Variants in ZBTB14 observed in about 807,000 individuals in gnomAD.
ZBTB14 encodes zinc finger and BTB domain-containing protein 14.
Under a neutral mutation model 29.5 loss-of-function variants are expected in ZBTB14, and 8 were observed. That is an observed-to-expected ratio of 0.27 (90% CI 0.16 to 0.49). ZBTB14 has a LOEUF of 0.49. Among genes scored for constraint, ZBTB14 ranks in the 20% least tolerant of loss-of-function variants. ZBTB14 has a pLI of 0.99. For missense variants in ZBTB14, 333 were observed against 563.8 expected (o/e 0.59, Z 4.15); for synonymous variants, 226 against 207.2 (o/e 1.09, Z -0.78).
chr18:5,296,283 T>C (rs1444402281), upstream of ZBTB14: 1 of 147,814 alleles, frequency 6.8e-6, no homozygotes, highest in Non-Finnish European at 1.5e-5. Flanking sequence ...GGAGAAGGAG[T>C]GGGCGGGGCA....
intron 3 of ZBTB14, among the ~76,000 whole-genome samples, chr18:5,292,924 G>T (rs535544235): frequency 6.6e-6 from 1 of 152,296 alleles, no homozygotes; most frequent in Non-Finnish European, 1.5e-5. Flanking sequence ...AAGTGGCTTT[G>T]TTCTCTCTAG....
chr18:5,292,015 A>G lies in ZBTB14; in HGVS notation c.193T>C (p.Phe65Leu). 2 of 1,613,194 alleles carry G rather than the reference A, an allele frequency of 1.2e-6. No homozygotes were observed. The highest frequency in any genetic ancestry group is 1.7e-6 in the Non-Finnish European group (2 of 1,179,844). Reference protein sequence around the residue: ...AACSTYFKKLFKKLEVDSSSV... With the variant: ...AACSTYFKKLLKKLEVDSSSV... The stretch of plus-strand genomic sequence containing the variant: ...GAACTATCAACCTCAAGCTTCTTGA[A>G]AAGCTTTTTAAAGTAAGTGCTGCAG... Residue 65 changes from phenylalanine (F) to leucine (L), a missense_variant, in exon 4 of 4, where the codon TTC becomes CTC. Coordinates refer to ENST00000651870, the MANE Select transcript of ZBTB14 (RefSeq NM_001243702.2).
chr18:5,293,374 C>T (rs1567908106), intron 2 of ZBTB14, 47 bp from the exon 3 acceptor site: 33 of 943,388 alleles, frequency 3.5e-5, no homozygotes, highest in South Asian at 1.7e-5. Flanking sequence ...CTTCCTGTAT[C>T]CCAAATCCTA....
upstream of ZBTB14, among the ~76,000 whole-genome samples, chr18:5,296,857 C>CT (rs2071978689): frequency 8.0e-6 from 1 of 125,428 alleles, no homozygotes; most frequent in Non-Finnish European, 1.8e-5. Flanking sequence ...TCGGAGAGCT[C>CT]TGATAACTTG....
chr18:5,291,077 C>T lies in ZBTB14; in HGVS notation c.1131G>A (p.Lys377=), dbSNP rs1567905526. The T allele has an allele frequency of 6.2e-7, 1 of 1,614,256 alleles. No homozygotes were observed. Among genetic ancestry groups the T allele is most frequent in the Non-Finnish European group, 8.5e-7 (1 of 1,180,044 alleles). Residue 377 remains lysine (K), a synonymous_variant, in exon 4 of 4, where the codon AAG becomes AAA. Transcript: ENST00000651870. This position sits in a 1 kb window ranked among gnomAD's most constrained non-coding sequence, Gnocchi z 5.8. ...DKAFKHKSHL[K]DHERRHRGEK... is the part of the protein sequence containing the mutation. Reference sequence around the variant, plus strand: ...CCCCTCTGTGTCTTCTTTCATGATCCTTGAGGTGAGACTTGTGTTTGAAGG... The same window carrying T: ...CCCCTCTGTGTCTTCTTTCATGATCTTTGAGGTGAGACTTGTGTTTGAAGG...
Position 5,291,785 on chromosome 18 carries a change from T to A in ZBTB14, c.423A>T (p.Lys141Asn). The A allele has an allele frequency of 6.2e-7, 1 of 1,613,954 alleles. No individual in the cohort carries two copies. The highest frequency in any genetic ancestry group is 8.5e-7 in the Non-Finnish European group (1 of 1,179,912). Residue 141 changes from lysine (K) to asparagine (N), a missense_variant, in exon 4 of 4, where the codon AAA becomes AAT. By Grantham distance (94) the Lys-to-Asn change is moderately conservative. Transcript: ENST00000651870. This position sits in a 1 kb window ranked among gnomAD's most constrained non-coding sequence, Gnocchi z 5.8. Reference sequence around the variant, plus strand: ...GATTTATTTTAAGGCAATACTTACTTTTGGACTGACCATTGTTTTCATCGG... The same window carrying A: ...GATTTATTTTAAGGCAATACTTACTATTGGACTGACCATTGTTTTCATCGG... The part of the protein sequence containing the change: ...SSPDENNGQS[K>N]SKYCLKINRP...
Position 5,290,842 on chromosome 18 carries a change from C to T in ZBTB14, c.*16G>A. ...AGTCTCCACTTTCCAGGCAAAGTGT[C>T]CCTGTCCCACCGCCTCTAGCTACAG... On this transcript the variant is annotated 3_prime_UTR_variant, in exon 4 of 4. Coordinates refer to ENST00000651870, the MANE Select transcript of ZBTB14 (RefSeq NM_001243702.2). The T allele has an allele frequency of 3.1e-6, 5 of 1,606,602 alleles. 1 individual carries two copies. The South Asian group carries it at 4.4e-5, about 14-fold the overall frequency.
intron 1 of ZBTB14, among the ~76,000 whole-genome samples, chr18:5,294,585 C>T (rs2143261117): frequency 6.6e-6 from 1 of 152,292 alleles, no homozygotes; most frequent in South Asian, 2.1e-4. Flanking sequence ...CGCCCCGCCC[C>T]CCTTGCCATT....
chr18:5,295,255 C>T (rs969863441), intron 1 of ZBTB14, among the ~76,000 whole-genome samples: 3 of 145,050 alleles, frequency 2.1e-5, no homozygotes, highest in African/African-American at 7.4e-5. Flanking sequence ...CCGGCCAGCT[C>T]GCGCCGGGCC....
upstream of ZBTB14, among the ~76,000 whole-genome samples, chr18:5,296,519 G>T (rs978073251): frequency 6.6e-6 from 1 of 151,586 alleles, no homozygotes; most frequent in Non-Finnish European, 1.5e-5. Flanking sequence ...GGGCTCTGCC[G>T]CGTCTCGGAG....
intron 1 of ZBTB14, among the ~76,000 whole-genome samples, chr18:5,294,422 G>C (rs909073909): frequency 3.3e-5 from 5 of 152,178 alleles, no homozygotes; most frequent in Non-Finnish European, 5.9e-5. Flanking sequence ...GGACCAGAGA[G>C]AGGAGTGGCC....
Position 5,291,875 on chromosome 18 carries a change from C to T in ZBTB14, c.333G>A (p.Ser111=), listed in dbSNP as rs1241784039. ...KKEDVNLMMS[S]GQILGIRFLD... Reference sequence around the variant, plus strand: ...AAAATCGGATACCAAGAATCTGACCCGATGACATCATTAAGTTAACATCTT... The same window carrying T: ...AAAATCGGATACCAAGAATCTGACCTGATGACATCATTAAGTTAACATCTT... The change falls in exon 4 of 4, where the codon TCG becomes TCA. Residue 111 remains serine (S), a synonymous_variant. Transcript: ENST00000651870. This position sits in a 1 kb window ranked among gnomAD's most constrained non-coding sequence, Gnocchi z 5.8. 6.2e-6 allele frequency: 10 copies of T among 1,614,016 alleles called. No individual in the cohort carries two copies. The highest frequency in any genetic ancestry group is 1.3e-5 in the African/African-American group (1 of 74,908).
chr18:5,293,166 A>T lies in ZBTB14; in HGVS notation c.3+78T>A, dbSNP rs2067563716. The T allele has an allele frequency of 1.6e-5, 24 of 1,473,326 alleles. No individual in the cohort carries two copies. In the South Asian group the frequency reaches 2.9e-4, roughly 18 times the overall value. The allele number at this position is 1,473,326 out of a possible 1,614,324, so 91.3% of individuals were successfully genotyped here. On this transcript the variant is annotated intron_variant, in intron 3 of 3. Transcript: ENST00000651870. ...CAGACAAATAGAAGTGTTCATGCAC[A>T]ATCAGAATTGGTATATATATTTTAA...
At chr18:5,296,176 A>G (rs914087118), upstream of ZBTB14, 4 of 150,316 alleles carry the variant, frequency 2.7e-5, no homozygotes, top group Admixed American at 6.6e-5. Flanking sequence ...GCCCTTGCCG[A>G]CGCTTTCGTT....
chr18:5,295,850 C>T (rs1217713259), upstream of ZBTB14: 1 of 151,864 alleles, frequency 6.6e-6, no homozygotes, highest in Non-Finnish European at 1.5e-5. Context: ...GCCGTGGGTT[C>T]CCCGCGCTCG....
chr18:5,296,378 G>T (rs900710597), upstream of ZBTB14, among the ~76,000 whole-genome samples: 1 of 150,278 alleles, frequency 6.7e-6, no homozygotes, highest in Non-Finnish European at 1.5e-5. Flanking sequence ...TCCCGCCCTG[G>T]TTCGTGGGCT....
intron 3 of ZBTB14, among the ~76,000 whole-genome samples, chr18:5,292,885 G>C (rs1020640928): frequency 1.7e-4 from 26 of 152,176 alleles, no homozygotes; most frequent in Non-Finnish European, 2.9e-4. Flanking sequence ...GGTTTAATCT[G>C]ACCTTAAGAG....
At chr18:5,296,237 ACGCGCGCGGCTTGGGGCGCG>A (rs1172409086), upstream of ZBTB14, 7 of 150,066 alleles carry the variant, frequency 4.7e-5, no homozygotes, top group African/African-American at 7.3e-5. Flanking sequence ...ACGCGCGCGC[ACGCGCGCGGCTTGGGGCGCG>A]CGGAGCCCGC....
At position 5,291,020 on chromosome 18, in the gene ZBTB14, C is replaced by T. The variant is rs187488278; in HGVS notation, c.1188G>A (p.Lys396=). The change falls in exon 4 of 4, where the codon AAG becomes AAA. Residue 396 remains lysine, a synonymous_variant. Transcript: ENST00000651870. This position sits in a 1 kb window ranked among gnomAD's most constrained non-coding sequence, Gnocchi z 5.8. Reference sequence around the variant, plus strand: ...TCAGATCAGATGCCTTGGCAAATGCCTTGGTGCAGGAGCCACACACAAAAG... The same window carrying T: ...TCAGATCAGATGCCTTGGCAAATGCTTTGGTGCAGGAGCCACACACAAAAG... ...EKPFVCGSCT[K]AFAKASDLKR... is the part of the protein sequence containing the mutation. 2 of 1,614,268 alleles carry T rather than the reference C, an allele frequency of 1.2e-6. No homozygotes were observed. Among genetic ancestry groups the T allele is most frequent in the Non-Finnish European group, 1.7e-6 (2 of 1,180,052 alleles).
Sources: gnomAD v4.1 joint callset for allele counts (sites outside exome capture counted in the v4.1 genomes callset) on GRCh38, gnomAD v4.1.1 for gene constraint, Gnocchi (gnomAD v3.1) non-coding constraint, MANE v1.5 for transcripts, NCBI Gene and HGNC (gene_info 2026-07-23, HGNC 2026-07-21) for gene names.